Variants in SIN3B observed in about 807,000 individuals in gnomAD.
SIN3B encodes the protein SIN3 transcription regulator family member B.
A neutral mutation model predicts 120.2 loss-of-function variants in SIN3B; 19 were observed. The ratio of observed to expected loss-of-function variants is 0.16; its 90% CI spans 0.11 to 0.23. The LOEUF is 0.23. Ranked by LOEUF, SIN3B falls within the 10% of genes least tolerant of loss-of-function variation. The probability of loss-of-function intolerance (pLI) is 1.00; values close to 1 mark genes in which losing one functional copy is unlikely to be tolerated. For missense variants in SIN3B, 1,073 were observed against 1,573.0 expected (o/e 0.68, Z 5.38); for synonymous variants, 654 against 653.2 (o/e 1.00, Z -0.02).
At chr19:16,872,829 G>T (rs896021318) in intron 14 of SIN3B, among the ~76,000 whole-genome samples, 1 of 152,192 alleles carries the variant, frequency 6.6e-6, no homozygotes, top group Non-Finnish European at 1.5e-5. Context: ...CGCATCCTGG[G>T]AGCGTCATTC....
At chr19:16,834,040 A>G (rs1054061152) in intron 3 of SIN3B, among the ~76,000 whole-genome samples, 5 of 152,116 alleles carry the variant, frequency 3.3e-5, no homozygotes, top group Non-Finnish European at 2.9e-5. Context: ...TCAGCTTTAA[A>G]GGGGAACTTG....
chr19:16,872,244 A>T (rs1466150868), intron 14 of SIN3B, among the ~76,000 whole-genome samples: 1 of 152,050 alleles, frequency 6.6e-6, no homozygotes, highest in Non-Finnish European at 1.5e-5. Context: ...AGACACAGCC[A>T]CGAGAAGCAT....
chr19:16,854,259 G>A lies in SIN3B; in HGVS notation c.1056G>A (p.Leu352=), dbSNP rs140091506. 2.5e-6 allele frequency: 4 copies of A among 1,607,540 alleles called. No homozygotes were observed. In the African/African-American group the frequency reaches 5.4e-5, roughly 22 times the overall value. The change falls in exon 8 of 19, where the codon CTG becomes CTA. Residue 352 remains leucine (L), a splice_region_variant and synonymous_variant. Transcript: ENST00000248054. ...TCCTGCAGCTCGTCAGCCCATTTCTGGGGTGAGCAGCTGACTTCCCAGGGC... is the reference window on the plus strand; with the variant it reads ...TCCTGCAGCTCGTCAGCCCATTTCTAGGGTGAGCAGCTGACTTCCCAGGGC... ...SELLQLVSPF[L]GKFPELFAQF... is the part of the protein sequence containing the mutation.
intron 8 of SIN3B, among the ~76,000 whole-genome samples, chr19:16,856,823 C>T (rs1205251014): frequency 1.3e-5 from 2 of 152,182 alleles, no homozygotes; most frequent in African/African-American, 2.4e-5. Context: ...CTGCCTGCCT[C>T]AGTCTCCCAA....
Position 16,854,128 on chromosome 19 carries a change from C to G in SIN3B, c.940-15C>G. The G allele has an allele frequency of 6.2e-7, 1 of 1,601,248 alleles. No homozygotes were observed. Among genetic ancestry groups the G allele is most frequent in the South Asian group, 1.1e-5 (1 of 90,410 alleles). ...AGCAGGGGTTCACAGTGGTCCCTGACTGCTCTCTCTGCAGGTCCGCCGGGT... is the reference window on the plus strand; with the variant it reads ...AGCAGGGGTTCACAGTGGTCCCTGAGTGCTCTCTCTGCAGGTCCGCCGGGT... On this transcript the variant is annotated splice_polypyrimidine_tract_variant and intron_variant, in intron 7 of 18. Coordinates refer to ENST00000248054, the MANE Select transcript of SIN3B (RefSeq NM_001297595.2).
At chr19:16,866,014 T>G (rs1971767277) in intron 11 of SIN3B, among the ~76,000 whole-genome samples, 1 of 152,226 alleles carries the variant, frequency 6.6e-6, no homozygotes, top group African/African-American at 2.4e-5. Flanking sequence ...AGTGGTCACT[T>G]TCAGGCAGGT....
At chr19:16,867,840 G>C (rs754943987) in intron 12 of SIN3B, among the ~76,000 whole-genome samples, 1 of 152,126 alleles carries the variant, frequency 6.6e-6, no homozygotes, top group Admixed American at 6.5e-5. Context: ...AACCACTCTG[G>C]CTTCCTCACT....
At position 16,870,061 on chromosome 19, in the gene SIN3B, G is replaced by A. The variant is rs765584401; in HGVS notation, c.2408G>A (p.Arg803Gln). 12 of 1,601,180 alleles carry A rather than the reference G, an allele frequency of 7.5e-6. No individual in the cohort carries two copies. Among genetic ancestry groups the A allele is most frequent in the African/African-American group, 2.7e-5 (2 of 74,744 alleles). The change falls in exon 13 of 19, where the codon CGG becomes CAG. Residue 803 changes from arginine to glutamine, a missense_variant. Around this residue, in one of 7 missense-constraint regions of SIN3B, gnomAD observed 52 missense variants for 68.8 expected, o/e 0.76. Transcript: ENST00000248054. ...EKGSDPAMEL[R>Q]LKQPSEVELE... is the part of the protein sequence containing the mutation. ...GGCAGCGACCCCGCCATGGAGCTGC[G>A]GCTGAAGCAGCCCAGTAAGGCTCCA...
At position 16,829,771 on chromosome 19, in the gene SIN3B, G is replaced by A; in HGVS notation, c.121-20G>A. The A allele has an allele frequency of 6.3e-7, 1 of 1,594,998 alleles. No individual in the cohort carries two copies. Among genetic ancestry groups the A allele is most frequent in the South Asian group, 1.1e-5 (1 of 90,664 alleles). ...TCGTTCCGCGGCCAGGGCCCACCGG[G>A]ACCCTCCCCCTCTCTGCAGGTAGAA... On this transcript the variant is annotated intron_variant, in intron 1 of 18. Transcript: ENST00000248054.
At position 16,876,619 on chromosome 19, in the gene SIN3B, G is replaced by A; in HGVS notation, c.2859+41G>A. On this transcript the variant is annotated intron_variant, in intron 16 of 18. Coordinates refer to ENST00000248054, the MANE Select transcript of SIN3B (RefSeq NM_001297595.2). This position sits in a 1 kb window ranked among gnomAD's most constrained non-coding sequence, Gnocchi z 7.1. ...CAGTCTGTGCCACGCATACCAGGGAGCGCCTGAGGGCAGCAGCATGGGGCT... is the reference window on the plus strand; with the variant it reads ...CAGTCTGTGCCACGCATACCAGGGAACGCCTGAGGGCAGCAGCATGGGGCT... 6.6e-7 allele frequency: 1 copy of A among 1,511,766 alleles called. No individual in the cohort carries two copies. Among genetic ancestry groups the A allele is most frequent in the Non-Finnish European group, 9.1e-7 (1 of 1,093,230 alleles). The allele number at this position is 1,511,766 out of a possible 1,614,324, so 93.6% of individuals were successfully genotyped here.
In SIN3B at chr19:16,870,048, G is replaced by A; in HGVS notation, c.2395G>A (p.Ala799Thr). The change falls in exon 13 of 19, where the codon GCC becomes ACC. Residue 799 changes from alanine to threonine, a missense_variant. Transcript: ENST00000248054. The stretch of plus-strand genomic sequence containing the variant: ...CCGCAGGGAGAAGGGCAGCGACCCC[G>A]CCATGGAGCTGCGGCTGAAGCAGCC... ...EGRREKGSDP[A>T]MELRLKQPSE... The A allele has an allele frequency of 1.2e-6, 2 of 1,606,182 alleles. No homozygotes were observed. Among genetic ancestry groups the A allele is most frequent in the Non-Finnish European group, 1.7e-6 (2 of 1,175,784 alleles).
At position 16,869,802 on chromosome 19, in the gene SIN3B, G is replaced by A. The variant is rs756484758; in HGVS notation, c.2149G>A (p.Gly717Arg). 2.0e-5 allele frequency: 32 copies of A among 1,613,666 alleles called. No homozygotes were observed. The highest frequency in any genetic ancestry group is 1.6e-4 in the South Asian group (15 of 91,068). ...SSPPEEKGAF[G>R]DAPATEQPPL... ...CCCCCCAGAGGAGAAGGGGGCCTTC[G>A]GGGATGCCCCGGCCACTGAGCAGCC... The change falls in exon 13 of 19, where the codon GGG (glycine) becomes AGG (arginine). Residue 717 changes from glycine to arginine, a missense_variant. Gly to Arg is a moderately radical substitution (Grantham distance 125, BLOSUM62 -2). Transcript: ENST00000248054.
chr19:16,839,470 C>T (rs772796914), intron 3 of SIN3B, among the ~76,000 whole-genome samples: 5 of 152,146 alleles, frequency 3.3e-5, no homozygotes, highest in Non-Finnish European at 5.9e-5. Context: ...CCCATTTTGT[C>T]GCAGTGGCAC....
chr19:16,866,664 G>T lies in SIN3B; in HGVS notation c.1806+108G>T, dbSNP rs764294976. 4.4e-4 allele frequency: 487 copies of T among 1,098,448 alleles called. 1 individual carries two copies. Among genetic ancestry groups the T allele is most frequent in the South Asian group, 5.6e-4 (41 of 73,744 alleles). 68.0% of individuals were successfully genotyped at this position (1,098,448 alleles called of 1,614,324 possible). The stretch of plus-strand genomic sequence containing the variant: ...GGTGGTTAGGCAGGGTAGTGGCATT[G>T]CCCTTTCAGGGCTGTGTTGAGGCGA... On this transcript the variant is annotated intron_variant, in intron 12 of 18. Transcript: ENST00000248054.
In SIN3B at chr19:16,878,914, C is replaced by A; in HGVS notation, c.*187C>A. On this transcript the variant is annotated 3_prime_UTR_variant, in exon 19 of 19. Coordinates refer to ENST00000248054, the MANE Select transcript of SIN3B (RefSeq NM_001297595.2). The stretch of plus-strand genomic sequence containing the variant: ...GGTCTCCTGTGGGCCTGCTGTGTGC[C>A]AAACCTGAGCTACCTGCACCCGAGC... 1 of 609,194 alleles carries A rather than the reference C, an allele frequency of 1.6e-6. No individual in the cohort carries two copies. The highest frequency in any genetic ancestry group is 2.8e-6 in the Non-Finnish European group (1 of 351,522). The allele number at this position is 609,194 out of a possible 1,614,324, so 37.7% of individuals were successfully genotyped here.
At chr19:16,873,673 AG>A (rs564082624) in intron 14 of SIN3B, among the ~76,000 whole-genome samples, 39 of 152,326 alleles carry the variant, frequency 2.6e-4, no homozygotes, top group Non-Finnish European at 5.3e-4. Context: ...CAACTCCTCT[AG>A]AACCTGTTAA....
chr19:16,831,064 C>CT lies in SIN3B; in HGVS notation c.228-414dup, dbSNP rs34911805. 8.4e-3 allele frequency among the ~76,000 whole-genome samples: 1,155 copies of CT among 138,032 alleles called. 25 individuals are homozygous for CT. The highest frequency in any genetic ancestry group is 0.08 in the East Asian group (382 of 4,798). 90.6% of individuals were successfully genotyped at this position (138,032 alleles called of 152,430 possible). A position where few individuals can be genotyped will look rare whatever the true frequency, so the allele number is the denominator to read the frequency against. Reference sequence around the variant, plus strand: ...GTACAGATGCTATCACATGGGGGCACTTTTTTTTTTTTTTTTGAGATGGAT... The same window carrying CT: ...GTACAGATGCTATCACATGGGGGCACTTTTTTTTTTTTTTTTTGAGATGGAT... On this transcript the variant is annotated intron_variant, in intron 2 of 18. Transcript: ENST00000248054.
At position 16,829,852 on chromosome 19, in the gene SIN3B, C is replaced by T. The variant is rs1568410013; in HGVS notation, c.182C>T (p.Thr61Ile). ...ATCCGCTTTGGCAGCGACCCTGCCA[C>T]CTACAACGGCTTCCTGGAGATCATG... ...VKIRFGSDPA[T>I]YNGFLEIMKE... Residue 61 changes from threonine to isoleucine, a missense_variant, in exon 2 of 19, where the codon ACC (threonine) becomes ATC (isoleucine). Physicochemically the swap from Thr to Ile is moderately conservative, Grantham distance 89. Around this residue, in one of 7 missense-constraint regions of SIN3B, gnomAD observed 395 missense variants for 528.0 expected, o/e 0.75. Transcript: ENST00000248054. The T allele has an allele frequency of 6.2e-7, 1 of 1,613,708 alleles. No homozygotes were observed. Among genetic ancestry groups the T allele is most frequent in the Non-Finnish European group, 8.5e-7 (1 of 1,179,770 alleles).
At chr19:16,850,087 G>T (rs1263071291) in intron 5 of SIN3B, among the ~76,000 whole-genome samples, 2 of 151,072 alleles carry the variant, frequency 1.3e-5, no homozygotes, top group African/African-American at 4.9e-5. Context: ...AACTCAAATA[G>T]CCTTGAGTTT....
Sources: allele counts gnomAD v4.1 joint callset (sites outside exome capture counted in the v4.1 genomes callset), GRCh38; gene constraint gnomAD v4.1.1; regional missense constraint gnomAD v4.1.1; non-coding constraint Gnocchi (gnomAD v3.1); transcripts MANE v1.5; gene names NCBI Gene and HGNC (gene_info 2026-07-23, HGNC 2026-07-21).